Variants in FOXP2 observed in about 807,000 individuals in gnomAD.
The protein encoded by FOXP2 is forkhead box protein P2.
Under a neutral mutation model 115.8 loss-of-function variants are expected in FOXP2, and 12 were observed. The observed-to-expected ratio is 0.10, with a 90% CI of 0.07 to 0.17. The LOEUF is 0.17. Ranked by LOEUF, FOXP2 falls within the 10% of genes least tolerant of loss-of-function variation. FOXP2 has a pLI of 1.00. For missense variants in FOXP2, 629 were observed against 843.5 expected (o/e 0.75, Z 3.15); for synonymous variants, 328 against 297.7 (o/e 1.10, Z -1.05).
chr7:114,316,188 A>G (rs1797271273), intron 2 of FOXP2, among the ~76,000 whole-genome samples: 1 of 152,246 alleles, frequency 6.6e-6, no homozygotes, highest in African/African-American at 2.4e-5. Flanking sequence ...GTGAATGGCC[A>G]CAAAAGTGCT....
chr7:114,426,418 C>A, intron 1 of FOXP2, 84 bp from the exon 2 acceptor site: 4 of 1,284,542 alleles, frequency 3.1e-6, no homozygotes, highest in Non-Finnish European at 4.5e-6. Context: ...GATGCTGTCT[C>A]TGTAATTGGC....
At chr7:114,478,287 T>C (rs1796376885) in intron 2 of FOXP2, among the ~76,000 whole-genome samples, 1 of 151,840 alleles carries the variant, frequency 6.6e-6, no homozygotes, top group South Asian at 2.1e-4. Flanking sequence ...GGATCTCTTT[T>C]AGGGCCAAGC....
intron 16 of FOXP2, among the ~76,000 whole-genome samples, chr7:114,679,240 C>T (rs1032934293): frequency 6.6e-6 from 1 of 152,032 alleles, no homozygotes; most frequent in Non-Finnish European, 1.5e-5. Flanking sequence ...GCTGGGATTA[C>T]AGGCGTGAAC....
At chr7:114,518,132 C>T (rs1798433866) in intron 2 of FOXP2, among the ~76,000 whole-genome samples, 1 of 152,018 alleles carries the variant, frequency 6.6e-6, no homozygotes, top group African/African-American at 2.4e-5. Context: ...CCAGGTAACC[C>T]ATGGAAAGGA....
At chr7:114,289,051 G>A (rs565087234) in intron 2 of FOXP2, among the ~76,000 whole-genome samples, 32 of 151,724 alleles carry the variant, frequency 2.1e-4, no homozygotes, top group Non-Finnish European at 4.0e-4. Flanking sequence ...GATACACTTC[G>A]TAATTTCTCT....
chr7:114,655,705 A>G (rs1311019579), intron 10 of FOXP2, among the ~76,000 whole-genome samples: 1 of 152,162 alleles, frequency 6.6e-6, no homozygotes, highest in Non-Finnish European at 1.5e-5. Context: ...CGGCCCACAC[A>G]TTTGATAAAT....
intron 1 of FOXP2, among the ~76,000 whole-genome samples, chr7:114,238,291 T>C (rs547031017): frequency 6.6e-6 from 1 of 152,032 alleles, no homozygotes; most frequent in African/African-American, 2.4e-5. Context: ...CTTCCTAATC[T>C]GAAATATTTT....
At chr7:114,452,500 T>G (rs534375230) in intron 2 of FOXP2, among the ~76,000 whole-genome samples, 107 of 152,130 alleles carry the variant, frequency 7.0e-4, no homozygotes, top group Middle Eastern at 3.4e-3. Flanking sequence ...TGATACCTTT[T>G]TAGAGGTTTG....
At chr7:114,541,919 T>C (rs1051706605) in intron 3 of FOXP2, among the ~76,000 whole-genome samples, 5 of 151,914 alleles carry the variant, frequency 3.3e-5, no homozygotes, top group Non-Finnish European at 7.4e-5. Flanking sequence ...GATTTAAGAC[T>C]TAGGCTGTGA....
chr7:114,363,191 G>T (rs866901860), intron 2 of FOXP2, among the ~76,000 whole-genome samples: 4 of 152,016 alleles, frequency 2.6e-5, no homozygotes, highest in Non-Finnish European at 5.9e-5. Context: ...CAAAGCACTT[G>T]GTTTGTTCCT....
chr7:114,324,672 C>G (rs889083203), intron 2 of FOXP2, among the ~76,000 whole-genome samples: 1 of 151,754 alleles, frequency 6.6e-6, no homozygotes, highest in Non-Finnish European at 1.5e-5. Flanking sequence ...ATTTAATAAC[C>G]AATCTCACTA....
At chr7:114,628,366 A>G (rs939697377) in intron 3 of FOXP2, among the ~76,000 whole-genome samples, 174 bp from the exon 4 acceptor site, 2 of 152,202 alleles carry the variant, frequency 1.3e-5, no homozygotes, top group Admixed American at 6.5e-5. Context: ...GCTAGTGTCT[A>G]TGTTTTGTGA....
chr7:114,446,498 A>T lies in FOXP2; in HGVS notation c.168+19819A>T, dbSNP rs371299474. 1.1e-4 allele frequency among the ~76,000 whole-genome samples: 17 copies of T among 152,078 alleles called. No individual in the cohort carries two copies. In the East Asian group the frequency reaches 1.5e-3, roughly 14 times the overall value. On this transcript the variant is annotated intron_variant, in intron 2 of 16. Coordinates refer to ENST00000350908, the MANE Select transcript of FOXP2 (RefSeq NM_014491.4). ...TGTGAAAATGAGTCTTGTTAACACA[A>T]TGGGTAATGTAAACAGTAAAACTGA...
chr7:114,380,409 A>G (rs1038581052), intron 2 of FOXP2, among the ~76,000 whole-genome samples: 2 of 152,182 alleles, frequency 1.3e-5, no homozygotes, highest in Non-Finnish European at 2.9e-5. Flanking sequence ...ATTACTTTCA[A>G]GTATTCCATT....
chr7:114,282,725 T>C (rs1030295039), intron 1 of FOXP2, among the ~76,000 whole-genome samples: 5 of 152,090 alleles, frequency 3.3e-5, no homozygotes, highest in Non-Finnish European at 7.4e-5. Flanking sequence ...TTAATCAAAG[T>C]GGGATGGTAA....
intron 16 of FOXP2, among the ~76,000 whole-genome samples, chr7:114,686,038 A>G (rs925638673): frequency 3.3e-5 from 5 of 151,976 alleles, no homozygotes; most frequent in African/African-American, 1.2e-4. Context: ...GACAAAATAA[A>G]CTAATTAGAA....
At chr7:114,235,386 CT>C (rs1424405788) in intron 1 of FOXP2, among the ~76,000 whole-genome samples, 1 of 151,254 alleles carries the variant, frequency 6.6e-6, no homozygotes, top group East Asian at 1.9e-4. Context: ...CTTGCAGCAC[CT>C]ATGTTTTTTA....
At chr7:114,624,240 GA>G (rs1253939407) in intron 3 of FOXP2, among the ~76,000 whole-genome samples, 3 of 151,736 alleles carry the variant, frequency 2.0e-5, no homozygotes, top group African/African-American at 7.2e-5. Context: ...TGTAACATAA[GA>G]ACAAATTTTG....
At chr7:114,274,427 G>T (rs969912873) in intron 1 of FOXP2, among the ~76,000 whole-genome samples, 1 of 151,790 alleles carries the variant, frequency 6.6e-6, no homozygotes, top group Non-Finnish European at 1.5e-5. Flanking sequence ...GTAAATCTGA[G>T]TGTCTGACCT....
Sources: allele counts gnomAD v4.1 joint callset (sites outside exome capture counted in the v4.1 genomes callset), GRCh38; gene constraint gnomAD v4.1.1; transcripts MANE v1.5; gene names NCBI Gene and HGNC (gene_info 2026-07-23, HGNC 2026-07-21).